Variants in ADK observed in about 807,000 individuals in gnomAD.
The protein encoded by ADK is adenosine kinase, also known as N6,N6-dimethyladenosine kinase.
A neutral mutation model predicts 44.7 loss-of-function variants in ADK; 24 were observed. The ratio of observed to expected loss-of-function variants is 0.54; its 90% CI spans 0.39 to 0.76. ADK has a LOEUF of 0.76. ADK is among the 30% of genes least tolerant of loss of function. The pLI is 0.00. For missense variants in ADK, 321 were observed against 425.1 expected (o/e 0.76, Z 2.15); for synonymous variants, 128 against 142.6 (o/e 0.90, Z 0.73).
At chr10:74,327,746 TA>T (rs556567525) in intron 4 of ADK, among the ~76,000 whole-genome samples, 8 of 149,032 alleles carry the variant, frequency 5.4e-5, no homozygotes, top group South Asian at 2.1e-4. Flanking sequence ...AAATAAAAGT[TA>T]AAAAAAAAAG....
chr10:74,438,466 G>A (rs1312329072), intron 6 of ADK, among the ~76,000 whole-genome samples: 1 of 151,304 alleles, frequency 6.6e-6, no homozygotes, highest in Non-Finnish European at 1.5e-5. Context: ...TCCTGACCTC[G>A]TGATCCCTCC....
In ADK at chr10:74,451,067, C is replaced by CTTTT. The variant is rs35120068; in HGVS notation, c.555+52510_555+52513dup. Among the ~76,000 whole-genome samples the CTTTT allele has an allele frequency of 7.4e-3, 535 of 72,162 alleles. 5 individuals carry two copies. Among genetic ancestry groups the CTTTT allele is most frequent in the Middle Eastern group, 0.014 (1 of 74 alleles). The allele number at this position is 72,162 out of a possible 152,430, so 47.3% of individuals were successfully genotyped here. On this transcript the variant is annotated intron_variant, in intron 6 of 10. Transcript: ENST00000539909. The stretch of plus-strand genomic sequence containing the variant: ...TTTATAAAAATTGTGGCTCTGCTGC[C>CTTTT]TTTTTTTTTTTTTTTTTTTTTTTTT...
chr10:74,629,441 C>T (rs747333556), intron 9 of ADK, among the ~76,000 whole-genome samples: 2 of 152,164 alleles, frequency 1.3e-5, no homozygotes, highest in African/African-American at 2.4e-5. Context: ...GAGGAGCTCA[C>T]GCAAGCAAAA....
intron 3 of ADK, among the ~76,000 whole-genome samples, chr10:74,282,956 C>T (rs550593378): frequency 6.6e-6 from 1 of 152,208 alleles, no homozygotes; most frequent in Non-Finnish European, 1.5e-5. Flanking sequence ...TTCTGGATGA[C>T]AATGGTAGGT....
chr10:74,344,237 G>A (rs1190894872), intron 4 of ADK, among the ~76,000 whole-genome samples: 2 of 152,126 alleles, frequency 1.3e-5, no homozygotes. Flanking sequence ...TTTTAGAAGA[G>A]TTTGTGGAGA....
intron 4 of ADK, among the ~76,000 whole-genome samples, chr10:74,365,679 T>A (rs559346542): frequency 6.6e-6 from 1 of 152,316 alleles, no homozygotes; most frequent in African/African-American, 2.4e-5. Flanking sequence ...TTCTTTGTCT[T>A]ACCTAAATGC....
At chr10:74,573,725 C>G (rs1163904683) in intron 7 of ADK, among the ~76,000 whole-genome samples, 1 of 152,212 alleles carries the variant, frequency 6.6e-6, no homozygotes, top group Non-Finnish European at 1.5e-5. Context: ...CGCCCCTCCC[C>G]CAGCCTCGCT....
intron 9 of ADK, among the ~76,000 whole-genome samples, chr10:74,639,014 G>A (rs1853729073): frequency 6.6e-6 from 1 of 151,994 alleles, no homozygotes; most frequent in Admixed American, 6.6e-5. Flanking sequence ...TCATCATATT[G>A]CCCAGGCTGG....
chr10:74,510,154 C>G (rs1367702788), intron 6 of ADK, among the ~76,000 whole-genome samples: 1 of 152,116 alleles, frequency 6.6e-6, no homozygotes, highest in Non-Finnish European at 1.5e-5. Flanking sequence ...TTAGGAAACT[C>G]CAACTATTCT....
intron 9 of ADK, among the ~76,000 whole-genome samples, chr10:74,617,010 T>C (rs893223223): frequency 6.6e-6 from 1 of 152,208 alleles, no homozygotes; most frequent in African/African-American, 2.4e-5. Context: ...ATTTGTTTTT[T>C]ACTGGTATAT....
intron 4 of ADK, among the ~76,000 whole-genome samples, chr10:74,334,221 T>C (rs1841332708): frequency 6.6e-6 from 1 of 152,228 alleles, no homozygotes. Context: ...GAGACAGTTC[T>C]CCTCACTTGT....
chr10:74,397,747 C>T (rs1340499063), intron 5 of ADK, among the ~76,000 whole-genome samples: 1 of 151,886 alleles, frequency 6.6e-6, no homozygotes, highest in Non-Finnish European at 1.5e-5. Context: ...GCTGTGTTGC[C>T]CAGGCTGACC....
At chr10:74,368,971 G>T (rs1157755053) in intron 4 of ADK, among the ~76,000 whole-genome samples, 1 of 152,150 alleles carries the variant, frequency 6.6e-6, no homozygotes, top group Non-Finnish European at 1.5e-5. Context: ...AGTATATTGG[G>T]CTACAGTACT....
At chr10:74,202,225 T>C (rs1843424038) in intron 2 of ADK, among the ~76,000 whole-genome samples, 1 of 152,198 alleles carries the variant, frequency 6.6e-6, no homozygotes, top group African/African-American at 2.4e-5. Flanking sequence ...TATATGACCT[T>C]TTGTGTTTGG....
At chr10:74,181,245 G>T (rs1016507272) in intron 1 of ADK, among the ~76,000 whole-genome samples, 5 of 145,142 alleles carry the variant, frequency 3.4e-5, no homozygotes, top group African/African-American at 7.4e-5. Flanking sequence ...ATTTTTTTTT[G>T]GGGGGGGTCT....
At chr10:74,205,384 G>A (rs1194352703) in intron 2 of ADK, among the ~76,000 whole-genome samples, 1 of 151,838 alleles carries the variant, frequency 6.6e-6, no homozygotes, top group Non-Finnish European at 1.5e-5. Flanking sequence ...CATTTGAAAT[G>A]TAATTAGAAG....
Position 74,266,479 on chromosome 10 carries a change from C to T in ADK, c.194+41888C>T, listed in dbSNP as rs530771850. 7.2e-5 allele frequency among the ~76,000 whole-genome samples: 11 copies of T among 151,976 alleles called. No homozygotes were observed. The South Asian group carries it at 1.9e-3, about 26-fold the overall frequency. On this transcript the variant is annotated intron_variant, in intron 3 of 10. Transcript: ENST00000539909. The stretch of plus-strand genomic sequence containing the variant: ...GGCTGAGGCAGAGAATTGCTTGAAC[C>T]GGGGAAGGAGAGGTTGCTGTGATCG...
chr10:74,449,292 C>A (rs1423381422), intron 6 of ADK, among the ~76,000 whole-genome samples: 2 of 152,166 alleles, frequency 1.3e-5, no homozygotes, highest in African/African-American at 4.8e-5. Flanking sequence ...TTACTTTCAA[C>A]TGATTGAATC....
intron 10 of ADK, among the ~76,000 whole-genome samples, chr10:74,705,399 G>A (rs577483694): frequency 6.0e-4 from 91 of 152,128 alleles, no homozygotes; most frequent in African/African-American, 2.2e-3. Context: ...GTTTTATTGT[G>A]GCATAATAGA....
Sources: gnomAD v4.1 joint callset for allele counts (sites outside exome capture counted in the v4.1 genomes callset) on GRCh38, gnomAD v4.1.1 for gene constraint, MANE v1.5 for transcripts, NCBI Gene and HGNC (gene_info 2026-07-23, HGNC 2026-07-21) for gene names.